The following DGKB variants were observed in gnomAD, a reference collection of about 807,000 sequenced individuals.
DGKB encodes the protein 90 kDa diacylglycerol kinase.
In DGKB, 67 loss-of-function variants were observed where a neutral mutation model predicts 114.3. The ratio of observed to expected loss-of-function variants is 0.59; its 90% CI spans 0.48 to 0.72. DGKB has a LOEUF of 0.72. Ranked by LOEUF, DGKB falls within the 30% of genes least tolerant of loss-of-function variation. The pLI, the probability that DGKB is intolerant of heterozygous loss-of-function variation, is 0.00. For synonymous variants in DGKB, 398 were observed against 323.1 expected, an observed-to-expected ratio of 1.23 and a Z score of -2.49; for missense variants, 907 against 975.2, an observed-to-expected ratio of 0.93 and a Z score of 0.93.
chr7:14,224,569 C>A (rs1003555680), intron 23 of DGKB, among the ~76,000 whole-genome samples: 5 of 151,828 alleles, frequency 3.3e-5, no homozygotes, highest in African/African-American at 1.2e-4. Flanking sequence ...AGGTACCATA[C>A]TTTTGTATTA....
intron 17 of DGKB, among the ~76,000 whole-genome samples, chr7:14,583,456 G>T (rs1266706992): frequency 6.6e-6 from 1 of 151,912 alleles, no homozygotes; most frequent in African/African-American, 2.4e-5. Flanking sequence ...GATGTGATTT[G>T]CAGTTCGCAT....
At chr7:14,297,537 T>C (rs1802790451) in intron 23 of DGKB, among the ~76,000 whole-genome samples, 1 of 152,128 alleles carries the variant, frequency 6.6e-6, no homozygotes, top group Admixed American at 6.5e-5. Context: ...ATAAAGTAGA[T>C]ATTGATGAAA....
At position 14,651,241 on chromosome 7, in the gene DGKB, A is replaced by T. The variant is rs1264734942; in HGVS notation, c.1135-20973T>A. Among the ~76,000 whole-genome samples, 48 of 152,334 alleles carry T rather than the reference A, an allele frequency of 3.2e-4. No homozygotes were observed. In the East Asian group the frequency reaches 7.9e-3, roughly 25 times the overall value. ...ATCCTTGATGAACATTGATGCAAAA[A>T]ATCCTCAATAAAATACTGGCAAACC... On this transcript the variant is annotated intron_variant, in intron 13 of 25. Coordinates refer to ENST00000402815, the MANE Select transcript of DGKB (RefSeq NM_001350709.2).
intron 21 of DGKB, among the ~76,000 whole-genome samples, chr7:14,430,241 C>T (rs1014827477): frequency 3.3e-5 from 5 of 152,058 alleles, no homozygotes; most frequent in Non-Finnish European, 7.4e-5. Flanking sequence ...TTAGATGATG[C>T]TATGAGATGG....
chr7:14,638,236 G>A (rs373598487), intron 13 of DGKB, among the ~76,000 whole-genome samples: 84 of 152,030 alleles, frequency 5.5e-4, no homozygotes, highest in African/African-American at 7.5e-4. Context: ...CCAGCTTTTC[G>A]AAATTTAGTA....
At chr7:14,851,118 T>C (rs1378132409) in intron 1 of DGKB, among the ~76,000 whole-genome samples, 1 of 152,170 alleles carries the variant, frequency 6.6e-6, no homozygotes, top group African/African-American at 2.4e-5. Flanking sequence ...TGGACATATA[T>C]ACAGTACATA....
At chr7:14,886,612 A>C (rs866429384) in intron 1 of DGKB, among the ~76,000 whole-genome samples, 2 of 151,818 alleles carry the variant, frequency 1.3e-5, no homozygotes, top group Non-Finnish European at 2.9e-5. Flanking sequence ...CACTTCATAA[A>C]TATCACTACA....
At chr7:14,832,958 C>G (rs567140700) in intron 2 of DGKB, among the ~76,000 whole-genome samples, 62 of 151,826 alleles carry the variant, frequency 4.1e-4, no homozygotes, top group Non-Finnish European at 7.4e-4. Context: ...TCAATATGTC[C>G]AAAATCAAAC....
intron 1 of DGKB, among the ~76,000 whole-genome samples, chr7:14,895,633 TTCC>T (rs1375751035): frequency 6.6e-6 from 1 of 151,636 alleles, no homozygotes; most frequent in African/African-American, 2.4e-5. Context: ...TTTCCATCCA[TTCC>T]TCTTCTTTCA....
chr7:14,595,206 A>G (rs930768594), intron 17 of DGKB, among the ~76,000 whole-genome samples: 1 of 152,070 alleles, frequency 6.6e-6, no homozygotes, highest in Non-Finnish European at 1.5e-5. Flanking sequence ...TGTAAGAAGG[A>G]GGGTAAATAT....
intron 23 of DGKB, among the ~76,000 whole-genome samples, chr7:14,295,594 T>G (rs1347868874): frequency 1.3e-5 from 2 of 152,008 alleles, no homozygotes; most frequent in East Asian, 3.9e-4. Flanking sequence ...AGGTTTTCTG[T>G]GATAGTTTAT....
intron 23 of DGKB, among the ~76,000 whole-genome samples, chr7:14,283,445 A>G (rs1322239843): frequency 1.3e-5 from 2 of 151,292 alleles, no homozygotes; most frequent in African/African-American, 4.9e-5. Flanking sequence ...TGCCCAAGGT[A>G]ATTTACAGAT....
At chr7:14,482,920 C>T (rs1783197390) in intron 20 of DGKB, among the ~76,000 whole-genome samples, 3 of 151,998 alleles carry the variant, frequency 2.0e-5, no homozygotes, top group Admixed American at 1.3e-4. Flanking sequence ...TTAAATAGAG[C>T]CAGAAGGTTT....
rs568422976 is a variant in DGKB, at chr7:14,195,994, T to C, written c.2123-17843A>G. Reference sequence around the variant, plus strand: ...GAATAGGCGACATGTCTAAATAGAATTAAATCTCAGCAACCTTCATGTAGA... The same window carrying C: ...GAATAGGCGACATGTCTAAATAGAACTAAATCTCAGCAACCTTCATGTAGA... On this transcript the variant is annotated intron_variant, in intron 23 of 25. Transcript: ENST00000402815. 3.3e-5 allele frequency among the ~76,000 whole-genome samples: 5 copies of C among 152,278 alleles called. No homozygotes were observed. The East Asian group carries it at 9.7e-4, about 29-fold the overall frequency.
At chr7:14,837,291 A>G (rs896400707) in intron 2 of DGKB, among the ~76,000 whole-genome samples, 1 of 152,162 alleles carries the variant, frequency 6.6e-6, no homozygotes, top group African/African-American at 2.4e-5. Context: ...ATTTAGGAGA[A>G]CAATCATAGT....
chr7:14,335,659 T>C (rs1810514844), intron 23 of DGKB, among the ~76,000 whole-genome samples: 1 of 152,246 alleles, frequency 6.6e-6, no homozygotes, highest in Admixed American at 6.5e-5. Flanking sequence ...CTAAAGTCAG[T>C]GCTTATAATG....
chr7:14,560,330 CTTTA>C (rs148845553), intron 20 of DGKB, among the ~76,000 whole-genome samples: 5 of 152,210 alleles, frequency 3.3e-5, no homozygotes, highest in Middle Eastern at 3.4e-3. Flanking sequence ...TTTACTGAAA[CTTTA>C]TTTATGTCCG....
At chr7:14,281,145 A>C (rs1179139320) in intron 23 of DGKB, among the ~76,000 whole-genome samples, 3 of 150,422 alleles carry the variant, frequency 2.0e-5, no homozygotes, top group African/African-American at 4.9e-5. Flanking sequence ...ACATAGGCTC[A>C]AAATAAAAGG....
chr7:14,676,416 TAAAA>T (rs201979147), intron 12 of DGKB, among the ~76,000 whole-genome samples: 3,317 of 152,092 alleles, frequency 0.022, 111 homozygotes, highest in African/African-American at 0.076. Context: ...TTAAAACAAC[TAAAA>T]GAAGGTAATT....
Sources: gnomAD v4.1 joint callset for allele counts (sites outside exome capture counted in the v4.1 genomes callset) on GRCh38, gnomAD v4.1.1 for gene constraint, MANE v1.5 for transcripts, NCBI Gene and HGNC (gene_info 2026-07-23, HGNC 2026-07-21) for gene names.